The following ABCB1 variants were observed in gnomAD, a reference collection of about 807,000 sequenced individuals.
The protein encoded by ABCB1 is ATP binding cassette subfamily B member 1, also known as ATP-dependent translocase ABCB1.
Under a neutral mutation model 142.0 loss-of-function variants are expected in ABCB1, and 69 were observed. The observed-to-expected ratio is 0.49, with a 90% CI of 0.40 to 0.59. The LOEUF (loss-of-function observed/expected upper bound fraction) is 0.59. ABCB1 is among the 20% of genes least tolerant of loss of function. ABCB1 has a pLI of 0.00. For missense variants in ABCB1, 1,326 were observed against 1,554.7 expected, an observed-to-expected ratio of 0.85 and a Z score of 2.47; for synonymous variants, 532 against 539.2, an observed-to-expected ratio of 0.99 and a Z score of 0.18.
At chr7:87,680,692 G>A (rs1826842053) in intron 1 of ABCB1, among the ~76,000 whole-genome samples, 1 of 150,272 alleles carries the variant, frequency 6.7e-6, no homozygotes, top group Non-Finnish European at 1.5e-5. Context: ...TACTTAGGAG[G>A]CTGAAGGCAG....
rs74994266 is a variant in ABCB1, at chr7:87,706,139, A to G, written c.-331+7022T>C. Among the ~76,000 whole-genome samples, 1,069 of 152,330 alleles carry G rather than the reference A, an allele frequency of 7.0e-3. 9 individuals carry two copies. The highest frequency in any genetic ancestry group is 0.049 in the East Asian group (255 of 5,184). On this transcript the variant is annotated intron_variant, in intron 1 of 28. Transcript: ENST00000265724. ...ACCAGTTTCAGAATATGCTAGTTAC[A>G]TCAGCCATCCACATATCCATGCATC...
intron 1 of ABCB1, among the ~76,000 whole-genome samples, chr7:87,630,456 A>G (rs936873981): frequency 3.3e-5 from 5 of 152,170 alleles, no homozygotes; most frequent in African/African-American, 1.2e-4. Flanking sequence ...TTTGAGACAA[A>G]TAGGCTGTTA....
intron 1 of ABCB1, among the ~76,000 whole-genome samples, chr7:87,615,796 T>C (rs1238812965): frequency 6.6e-6 from 1 of 152,200 alleles, no homozygotes; most frequent in Admixed American, 6.5e-5. Flanking sequence ...AGAAGCCATA[T>C]CAGAATCTCT....
At chr7:87,592,357 A>C (rs983630705) in intron 3 of ABCB1, among the ~76,000 whole-genome samples, 2 of 152,228 alleles carry the variant, frequency 1.3e-5, no homozygotes, top group Non-Finnish European at 2.9e-5. Flanking sequence ...AGGAGGAAAC[A>C]GATTCAGACA....
At position 87,553,846 on chromosome 7, in the gene ABCB1, A is replaced by G. The variant is rs1262510614; in HGVS notation, c.914T>C (p.Leu305Pro). 2 of 1,614,022 alleles carry G rather than the reference A, an allele frequency of 1.2e-6. No individual in the cohort carries two copies. The highest frequency in any genetic ancestry group is 1.7e-6 in the Non-Finnish European group (2 of 1,179,956). ...GGCCAGAGCATAAGATGCATAGATC[A>G]GCAGGAAAGCAGCACCTATAGAAAT... ...ANISIGAAFL[L>P]IYASYALAFW... Residue 305 changes from leucine to proline, a missense_variant, in exon 9 of 28, where the codon CTG (leucine) becomes CCG (proline). Coordinates refer to ENST00000622132, the MANE Select transcript of ABCB1 (RefSeq NM_001348946.2).
At chr7:87,545,512 T>C (rs749439761) in intron 15 of ABCB1, among the ~76,000 whole-genome samples, 5 of 152,210 alleles carry the variant, frequency 3.3e-5, no homozygotes, top group Non-Finnish European at 7.3e-5. Context: ...AATTGAGATA[T>C]TTTGCATTTT....
Position 87,516,641 on chromosome 7 carries a change from A to G in ABCB1, c.2952T>C (p.Gly984=). The stretch of plus-strand genomic sequence containing the variant: ...AACTGACTTGCCCCACGGCCATGGC[A>G]CCAAAGACAACAGCTGAAAATACTC... ...VLLVFSAVVF[G]AMAVGQVSSF... is the part of the protein sequence containing the mutation. The change falls in exon 24 of 28, where the codon GGT becomes GGC. Residue 984 remains glycine, a synonymous_variant. Coordinates refer to ENST00000622132, the MANE Select transcript of ABCB1 (RefSeq NM_001348946.2). 6.2e-7 allele frequency: 1 copy of G among 1,613,960 alleles called. No individual in the cohort carries two copies. The highest frequency in any genetic ancestry group is 1.7e-5 in the Admixed American group (1 of 60,000).
At chr7:87,611,196 C>A (rs563921036) in intron 1 of ABCB1, among the ~76,000 whole-genome samples, 6 of 152,130 alleles carry the variant, frequency 3.9e-5, no homozygotes, top group Non-Finnish European at 8.8e-5. Flanking sequence ...TTCTGCTTAC[C>A]TCTATAGCCT....
chr7:87,635,177 T>A (rs1243387999), intron 1 of ABCB1, among the ~76,000 whole-genome samples: 1 of 152,198 alleles, frequency 6.6e-6, no homozygotes, highest in African/African-American at 2.4e-5. Context: ...ATAAAATATA[T>A]CCCTGGGTCA....
chr7:87,619,555 A>C (rs967840235), intron 1 of ABCB1, among the ~76,000 whole-genome samples: 3 of 151,580 alleles, frequency 2.0e-5, no homozygotes, highest in Admixed American at 2.0e-4. Flanking sequence ...AAAAAAAAAA[A>C]GTAAACTTGA....
intron 1 of ABCB1, among the ~76,000 whole-genome samples, chr7:87,622,862 C>T (rs1584929141): frequency 6.6e-6 from 1 of 151,778 alleles, no homozygotes; most frequent in Non-Finnish European, 1.5e-5. Context: ...GAGACCTTGT[C>T]TCAGTAAAAC....
intron 1 of ABCB1, among the ~76,000 whole-genome samples, chr7:87,642,834 T>C (rs1822589830): frequency 6.6e-6 from 1 of 152,200 alleles, no homozygotes; most frequent in Non-Finnish European, 1.5e-5. Context: ...GTGTCTAGAT[T>C]AACAATTCTC....
chr7:87,611,473 A>AT (rs1819847689), intron 1 of ABCB1, among the ~76,000 whole-genome samples: 1 of 151,944 alleles, frequency 6.6e-6, no homozygotes, highest in African/African-American at 2.4e-5. Flanking sequence ...AACATGTGAT[A>AT]TTTGATTTTC....
At chr7:87,505,556 T>C (rs1196085856) in intron 27 of ABCB1, among the ~76,000 whole-genome samples, 1 of 152,196 alleles carries the variant, frequency 6.6e-6, no homozygotes. Context: ...TCTTAAAAGG[T>C]ACAGCCAGAT....
At chr7:87,550,077 C>T in intron 12 of ABCB1, 23 bp from the exon 13 acceptor site, 1 of 1,614,082 alleles carries the variant, frequency 6.2e-7, no homozygotes, top group East Asian at 2.2e-5. Flanking sequence ...GTAAGTGTGA[C>T]TTTCATACAT....
chr7:87,619,867 A>G (rs1033519431), intron 1 of ABCB1, among the ~76,000 whole-genome samples: 3 of 152,050 alleles, frequency 2.0e-5, no homozygotes, highest in Admixed American at 6.5e-5. Context: ...TCAAGGGGCG[A>G]TCATTAATAT....
At chr7:87,691,416 C>T (rs1422855108) in intron 1 of ABCB1, among the ~76,000 whole-genome samples, 1 of 152,054 alleles carries the variant, frequency 6.6e-6, no homozygotes, top group Non-Finnish European at 1.5e-5. Context: ...TATTTGAATG[C>T]ATTTTGTTCT....
intron 23 of ABCB1, 66 bp from the exon 24 acceptor site, chr7:87,516,731 CTTTTTTTTTTT>C (rs546527484): frequency 5.6e-5 from 45 of 806,390 alleles, no homozygotes; most frequent in Non-Finnish European, 7.3e-5. Flanking sequence ...GCTGACACTC[CTTTTTTTTTTT>C]TTTTTTTTTT....
intron 1 of ABCB1, among the ~76,000 whole-genome samples, chr7:87,638,549 G>A (rs1822076913): frequency 6.6e-6 from 1 of 151,534 alleles, no homozygotes; most frequent in Admixed American, 6.6e-5. Flanking sequence ...GATTTCCTGT[G>A]TCTTCTGGTA....
Sources: allele counts gnomAD v4.1 joint callset (sites outside exome capture counted in the v4.1 genomes callset), GRCh38; gene constraint gnomAD v4.1.1; transcripts MANE v1.5; gene names NCBI Gene and HGNC (gene_info 2026-07-23, HGNC 2026-07-21).